Variants in ASTN2 observed in about 807,000 individuals in gnomAD.
ASTN2 encodes the protein astrotactin 2.
A neutral mutation model predicts 139.8 loss-of-function variants in ASTN2; 54 were observed. The observed-to-expected ratio is 0.39, with a 90% confidence interval of 0.31 to 0.48. ASTN2 has a LOEUF of 0.48. Among genes scored for constraint, ASTN2 ranks in the 20% least tolerant of loss-of-function variants. The pLI, the probability that ASTN2 is intolerant of heterozygous loss-of-function variation, is 0.95. For synonymous variants in ASTN2, 756 were observed against 719.5 expected, an observed-to-expected ratio of 1.05 and a Z score of -0.81; for missense variants, 1,565 against 1,725.1, an observed-to-expected ratio of 0.91 and a Z score of 1.64.
chr9:116,535,072 T>A (rs540349052), intron 19 of ASTN2, among the ~76,000 whole-genome samples: 1 of 152,230 alleles, frequency 6.6e-6, no homozygotes, highest in African/African-American at 2.4e-5. Context: ...ATATTTAGGA[T>A]AGTTAGCTCT....
chr9:116,699,334 A>G lies in ASTN2; in HGVS notation c.2806+26437T>C. ...GCTGAGGGCACCGTCTACTTCACCCAGGGCTTAGGCCTCAATCTGGAGAAT... is the reference window on the plus strand; with the variant it reads ...GCTGAGGGCACCGTCTACTTCACCCGGGGCTTAGGCCTCAATCTGGAGAAT... On this transcript the variant is annotated intron_variant, in intron 16 of 22. Transcript: ENST00000313400. The surrounding 1 kb of genome is among the most constrained non-coding windows in gnomAD (Gnocchi z 4.2). The G allele has an allele frequency of 6.2e-7, 1 of 1,614,216 alleles. No individual in the cohort carries two copies. Among genetic ancestry groups the G allele is most frequent in the Non-Finnish European group, 8.5e-7 (1 of 1,180,034 alleles).
chr9:116,738,582 A>G (rs1353868806), intron 13 of ASTN2, among the ~76,000 whole-genome samples: 1 of 152,206 alleles, frequency 6.6e-6, no homozygotes, highest in East Asian at 1.9e-4. Flanking sequence ...TATCTAATCA[A>G]AAACCACTTG....
chr9:117,078,460 T>C (rs953535274), intron 5 of ASTN2, among the ~76,000 whole-genome samples: 1 of 152,206 alleles, frequency 6.6e-6, no homozygotes, highest in African/African-American at 2.4e-5. Flanking sequence ...CACTGCATTA[T>C]CTTACTTTGG....
At chr9:117,099,120 A>AT (rs1048355314) in intron 4 of ASTN2, among the ~76,000 whole-genome samples, 5 of 152,064 alleles carry the variant, frequency 3.3e-5, no homozygotes, top group African/African-American at 1.2e-4. Context: ...AAAAAAAAAA[A>AT]AAAGGAGGGA....
At chr9:116,578,231 T>G (rs1853802216) in intron 19 of ASTN2, among the ~76,000 whole-genome samples, 1 of 152,140 alleles carries the variant, frequency 6.6e-6, no homozygotes, top group Non-Finnish European at 1.5e-5. Flanking sequence ...AGGACAAGTG[T>G]CAGAGATACT....
intron 13 of ASTN2, among the ~76,000 whole-genome samples, chr9:116,779,750 C>G (rs4837856): frequency 0.82 from 124,638 of 152,082 alleles, 52,025 homozygotes; most frequent in Non-Finnish European, 0.91. Flanking sequence ...TTGTGTATGG[C>G]TCTCCATGGC....
At chr9:117,408,886 G>A (rs1035825075) in intron 1 of ASTN2, among the ~76,000 whole-genome samples, 27 of 152,138 alleles carry the variant, frequency 1.8e-4, no homozygotes, top group African/African-American at 6.3e-4. Context: ...AATTTCATCG[G>A]CTTTGAGATG....
chr9:117,025,333 G>A (rs766057503), intron 6 of ASTN2, among the ~76,000 whole-genome samples: 3 of 152,092 alleles, frequency 2.0e-5, no homozygotes, highest in Non-Finnish European at 2.9e-5. Flanking sequence ...CCCACAATGT[G>A]CCCTCACCCC....
At chr9:116,661,387 A>C (rs998650636) in intron 16 of ASTN2, among the ~76,000 whole-genome samples, 1 of 152,188 alleles carries the variant, frequency 6.6e-6, no homozygotes, top group Admixed American at 6.5e-5. Flanking sequence ...CTATGATACA[A>C]GGAAGCTTAG....
At chr9:117,276,706 C>A (rs1374893352) in intron 2 of ASTN2, among the ~76,000 whole-genome samples, 1 of 152,076 alleles carries the variant, frequency 6.6e-6, no homozygotes, top group Non-Finnish European at 1.5e-5. Flanking sequence ...CACAGAGAGA[C>A]AAGGGCGGGG....
At chr9:116,530,763 G>A (rs1851308570) in intron 19 of ASTN2, among the ~76,000 whole-genome samples, 1 of 152,102 alleles carries the variant, frequency 6.6e-6, no homozygotes, top group South Asian at 2.1e-4. Context: ...GAGTTCTCCT[G>A]ATATTCCTTT....
At chr9:116,942,152 G>A (rs1474831708) in intron 10 of ASTN2, among the ~76,000 whole-genome samples, 1 of 151,742 alleles carries the variant, frequency 6.6e-6, no homozygotes, top group Non-Finnish European at 1.5e-5. Flanking sequence ...GCTTCTCTGA[G>A]GTCTCTCCTC....
At chr9:117,120,100 T>C (rs1244268956) in intron 4 of ASTN2, among the ~76,000 whole-genome samples, 9 of 138,300 alleles carry the variant, frequency 6.5e-5, no homozygotes, top group African/African-American at 2.5e-4. Flanking sequence ...TGCTGAAAAA[T>C]TACAAAATAT....
chr9:117,056,469 C>T (rs1202325167), intron 5 of ASTN2, among the ~76,000 whole-genome samples: 1 of 152,138 alleles, frequency 6.6e-6, no homozygotes, highest in Non-Finnish European at 1.5e-5. Context: ...CACAGCTCTG[C>T]CTTGAAGGAG....
At chr9:116,926,693 C>T (rs941991683) in intron 10 of ASTN2, among the ~76,000 whole-genome samples, 4 of 152,104 alleles carry the variant, frequency 2.6e-5, no homozygotes, top group Admixed American at 6.6e-5. Flanking sequence ...TTTCCAGGAT[C>T]GTGAGTGGGT....
intron 11 of ASTN2, among the ~76,000 whole-genome samples, chr9:116,840,907 C>T (rs546606331): frequency 6.6e-6 from 1 of 151,836 alleles, no homozygotes; most frequent in South Asian, 2.1e-4. Context: ...GGCAGCCAGG[C>T]AGAGGGGCTC....
At chr9:116,926,056 T>C (rs879433785) in intron 10 of ASTN2, among the ~76,000 whole-genome samples, 18 of 152,170 alleles carry the variant, frequency 1.2e-4, no homozygotes, top group Non-Finnish European at 2.1e-4. Flanking sequence ...CCATTCCTTA[T>C]CATGCTCCAT....
At chr9:116,991,586 TAA>T (rs5900249) in intron 7 of ASTN2, among the ~76,000 whole-genome samples, 2,889 of 141,612 alleles carry the variant, frequency 0.02, 66 homozygotes, top group African/African-American at 0.056. Flanking sequence ...TCCCTCTTAT[TAA>T]AAAAAAAAAA....
chr9:116,563,375 A>G lies in ASTN2; in HGVS notation c.3355+54949T>C, dbSNP rs1375583768. Among the ~76,000 whole-genome samples the G allele has an allele frequency of 2.8e-5, 3 of 107,494 alleles. No homozygotes were observed. In the East Asian group the frequency reaches 5.9e-4, roughly 21 times the overall value. 70.5% of individuals were successfully genotyped at this position (107,494 alleles called of 152,430 possible). A position where few individuals can be genotyped will look rare whatever the true frequency, so the allele number is the denominator to read the frequency against. ...GGGTGATAGAGCGAGACTCTGTCTC[A>G]AAAAAATAAAAATAAAAATAAAAAT... On this transcript the variant is annotated intron_variant, in intron 19 of 22. Transcript: ENST00000313400.
Sources: allele counts gnomAD v4.1 joint callset (sites outside exome capture counted in the v4.1 genomes callset), GRCh38; gene constraint gnomAD v4.1.1; non-coding constraint Gnocchi (gnomAD v3.1); transcripts MANE v1.5; gene names NCBI Gene and HGNC (gene_info 2026-07-23, HGNC 2026-07-21).